The following TBC1D15 variants were observed in gnomAD, a reference collection of about 807,000 sequenced individuals.
TBC1D15 encodes the protein GAP for RAB7.
In TBC1D15, 39 loss-of-function variants were observed where a neutral mutation model predicts 95.4. That is an observed-to-expected ratio of 0.41 (90% confidence interval 0.32 to 0.53). The LOEUF is 0.53. TBC1D15 is among the 20% of genes least tolerant of loss of function. The pLI is 0.29. For synonymous variants in TBC1D15, 258 were observed against 261.3 expected (o/e 0.99, Z 0.12); for missense variants, 733 against 794.3 (o/e 0.92, Z 0.93).
intron 2 of TBC1D15, among the ~76,000 whole-genome samples, chr12:71,872,423 G>A (rs1892890082): frequency 6.6e-6 from 1 of 152,102 alleles, no homozygotes; most frequent in Non-Finnish European, 1.5e-5. Context: ...TAACTTACTG[G>A]ACATCATAGC....
In TBC1D15 at chr12:71,886,863, A is replaced by G. The variant is rs137877063; in HGVS notation, c.554+1842A>G. On this transcript the variant is annotated intron_variant, in intron 5 of 16. Coordinates refer to ENST00000485960, the MANE Select transcript of TBC1D15 (RefSeq NM_001146213.3). ...GCATTAAAGAGTTGGGAGTTTTAGC[A>G]CCATAGTAAGCTCAGTATCGGTGTT... 5.3e-5 allele frequency among the ~76,000 whole-genome samples: 8 copies of G among 152,258 alleles called. No homozygotes were observed. The South Asian group carries it at 1.7e-3, about 32-fold the overall frequency.
chr12:71,882,285 A>G (rs746943325), intron 4 of TBC1D15, among the ~76,000 whole-genome samples: 1 of 152,166 alleles, frequency 6.6e-6, no homozygotes, highest in Non-Finnish European at 1.5e-5. Flanking sequence ...ATTATATACC[A>G]GACAAGTTAA....
intron 1 of TBC1D15, among the ~76,000 whole-genome samples, chr12:71,863,408 G>A (rs1890810116): frequency 6.6e-6 from 1 of 151,884 alleles, no homozygotes; most frequent in African/African-American, 2.4e-5. Context: ...AAAGAAATCT[G>A]CTTTTAATCT....
chr12:71,889,806 A>C (rs945412044), intron 5 of TBC1D15, among the ~76,000 whole-genome samples: 21 of 152,058 alleles, frequency 1.4e-4, no homozygotes, highest in African/African-American at 4.8e-4. Context: ...TCCACCCTCA[A>C]GTAGGCTCTG....
At chr12:71,888,682 T>A (rs913022709) in intron 5 of TBC1D15, among the ~76,000 whole-genome samples, 1 of 152,032 alleles carries the variant, frequency 6.6e-6, no homozygotes. Flanking sequence ...TAGGCAGATC[T>A]AAGAGAGAGG....
intron 6 of TBC1D15, 81 bp from the exon 7 acceptor site, chr12:71,894,605 T>C: frequency 6.3e-6 from 8 of 1,274,812 alleles, no homozygotes; most frequent in Non-Finnish European, 8.7e-6. Flanking sequence ...TTTAAAAAGC[T>C]TTGCTTTTTT....
At chr12:71,898,352 G>A (rs1202681299) in intron 10 of TBC1D15, among the ~76,000 whole-genome samples, 1 of 151,824 alleles carries the variant, frequency 6.6e-6, no homozygotes, top group Non-Finnish European at 1.5e-5. Context: ...GATAATTATG[G>A]TTAATAGGTA....
chr12:71,879,909 G>T (rs1044213215), intron 3 of TBC1D15, among the ~76,000 whole-genome samples: 2 of 152,006 alleles, frequency 1.3e-5, no homozygotes, highest in African/African-American at 2.4e-5. Flanking sequence ...TTAAATTTTT[G>T]ATTTACTCAA....
chr12:71,884,807 T>C lies in TBC1D15; in HGVS notation c.344-4T>C. ...ATATTTTGCCCCACTTTCTTGTTTT[T>C]AAGATGCTCCAAGTCATAGAAATGG... On this transcript the variant is annotated splice_polypyrimidine_tract_variant and splice_region_variant and intron_variant, in intron 4 of 16. Transcript: ENST00000485960. 5.6e-6 allele frequency: 9 copies of C among 1,613,876 alleles called. No individual in the cohort carries two copies. The highest frequency in any genetic ancestry group is 7.6e-6 in the Non-Finnish European group (9 of 1,179,872).
Position 71,898,024 on chromosome 12 carries a change from G to C in TBC1D15, c.1183+83G>C, listed in dbSNP as rs540435943. The C allele has an allele frequency of 2.9e-4, 286 of 974,320 alleles. 4 individuals are homozygous for C. The South Asian group carries it at 3.8e-3, about 13-fold the overall frequency. 60.4% of individuals were successfully genotyped at this position (974,320 alleles called of 1,614,324 possible). A position where few individuals can be genotyped will look rare whatever the true frequency, so the allele number is the denominator to read the frequency against. The stretch of plus-strand genomic sequence containing the variant: ...AAGAGTAAAGAAGTGAAGATACATG[G>C]TAATAGCACTAGGGCTCAAAAGAGA... On this transcript the variant is annotated intron_variant, in intron 10 of 16. Coordinates refer to ENST00000485960, the MANE Select transcript of TBC1D15 (RefSeq NM_001146213.3).
chr12:71,875,454 C>A (rs1328123072), intron 3 of TBC1D15, among the ~76,000 whole-genome samples: 1 of 151,914 alleles, frequency 6.6e-6, no homozygotes, highest in Non-Finnish European at 1.5e-5. Context: ...GAAACCAGTA[C>A]CTAACTCAGG....
chr12:71,856,458 G>T (rs1889097946), intron 1 of TBC1D15, among the ~76,000 whole-genome samples: 1 of 151,692 alleles, frequency 6.6e-6, no homozygotes, highest in Admixed American at 6.6e-5. Context: ...CCAACATGTT[G>T]CATGTCTCTG....
At chr12:71,917,475 G>A (rs925510479) in intron 12 of TBC1D15, among the ~76,000 whole-genome samples, 1 of 152,082 alleles carries the variant, frequency 6.6e-6, no homozygotes, top group African/African-American at 2.4e-5. Flanking sequence ...TAAGTCAAAT[G>A]AATAGAGGAA....
intron 10 of TBC1D15, among the ~76,000 whole-genome samples, chr12:71,906,400 T>C (rs1472723848): frequency 2.0e-5 from 3 of 152,254 alleles, no homozygotes; most frequent in Non-Finnish European, 4.4e-5. Context: ...TGAATTGAAT[T>C]GTCGGTGCAA....
At chr12:71,855,746 A>G (rs1404282119) in intron 1 of TBC1D15, among the ~76,000 whole-genome samples, 1 of 151,820 alleles carries the variant, frequency 6.6e-6, no homozygotes. Context: ...CTTGTCTCCT[A>G]AGAAACAGTT....
intron 5 of TBC1D15, among the ~76,000 whole-genome samples, chr12:71,892,868 A>G (rs980674816): frequency 4.0e-5 from 6 of 151,714 alleles, no homozygotes; most frequent in Non-Finnish European, 5.9e-5. Flanking sequence ...AATTTTTATG[A>G]TAATAAAGCC....
intron 3 of TBC1D15, among the ~76,000 whole-genome samples, chr12:71,877,551 CCTTCCTTCCTTT>C (rs375639439): frequency 0.012 from 1,361 of 116,482 alleles, 24 homozygotes; most frequent in African/African-American, 0.021. Context: ...TTCCTTCCTT[CCTTCCTTCCTTT>C]CTTCTTTTTC....
intron 7 of TBC1D15, 138 bp downstream of exon 7, chr12:71,895,021 A>T: frequency 1.4e-6 from 1 of 700,134 alleles, no homozygotes; most frequent in Non-Finnish European, 2.3e-6. Flanking sequence ...TATATCTGAC[A>T]ATGAGTGCTT....
intron 10 of TBC1D15, among the ~76,000 whole-genome samples, chr12:71,898,835 C>T (rs192396094): frequency 9.3e-4 from 141 of 152,018 alleles, no homozygotes; most frequent in Middle Eastern, 3.4e-3. Context: ...GATTTGGTAC[C>T]GTTTGTGGAC....
Sources: gnomAD v4.1 joint callset for allele counts (sites outside exome capture counted in the v4.1 genomes callset) on GRCh38, gnomAD v4.1.1 for gene constraint, MANE v1.5 for transcripts, NCBI Gene and HGNC (gene_info 2026-07-23, HGNC 2026-07-21) for gene names.